The following SECISBP2L variants were observed in gnomAD, a reference collection of about 807,000 sequenced individuals.
SECISBP2L encodes the protein selenocysteine insertion sequence-binding protein 2-like.
Under a neutral mutation model 114.7 loss-of-function variants are expected in SECISBP2L, and 43 were observed. The observed-to-expected ratio is 0.38, with a 90% CI of 0.29 to 0.48. The LOEUF (loss-of-function observed/expected upper bound fraction) is 0.48. SECISBP2L is among the 20% of genes least tolerant of loss of function. SECISBP2L has a pLI of 0.98. For synonymous variants in SECISBP2L, 451 were observed against 439.7 expected (o/e 1.03, Z -0.32); for missense variants, 1,136 against 1,301.1 (o/e 0.87, Z 1.95).
intron 1 of SECISBP2L, among the ~76,000 whole-genome samples, chr15:49,042,796 G>A (rs1336106812): frequency 1.3e-5 from 2 of 152,142 alleles, no homozygotes; most frequent in African/African-American, 4.8e-5. Context: ...TTGGGAGGCC[G>A]ACGTGGGTGG....
intron 2 of SECISBP2L, among the ~76,000 whole-genome samples, chr15:49,036,841 T>C (rs1903018453): frequency 6.6e-6 from 1 of 152,240 alleles, no homozygotes; most frequent in Admixed American, 6.5e-5. Context: ...GGTGGAAATA[T>C]TGATTGACTC....
intron 6 of SECISBP2L, 70 bp from the exon 7 acceptor site, chr15:49,027,550 CACATACTGA>C: frequency 1.2e-6 from 1 of 844,624 alleles, no homozygotes; most frequent in South Asian, 2.1e-5. Context: ...GACCTGACTT[CACATACTGA>C]AATTCAGTCA....
chr15:49,037,851 A>C, intron 1 of SECISBP2L, 82 bp from the exon 2 acceptor site: 1 of 1,196,410 alleles, frequency 8.4e-7, no homozygotes, highest in African/African-American at 1.5e-5. Context: ...CAGAAGAGTC[A>C]GTCCTTATAA....
rs781594231 is a variant in SECISBP2L, at chr15:49,037,701, G to T, written c.93C>A (p.Ile31=). The T allele has an allele frequency of 1.9e-5, 30 of 1,613,502 alleles. No homozygotes were observed. The highest frequency in any genetic ancestry group is 2.5e-5 in the Non-Finnish European group (30 of 1,179,760). Residue 31 remains isoleucine, a synonymous_variant, in exon 2 of 18, where the codon ATC becomes ATA. Coordinates refer to ENST00000559471, the MANE Select transcript of SECISBP2L (RefSeq NM_001193489.2). ...CATTATCATTTGGGAGAGCCATAGGGATCATAAATGTATCAGGACTCTTCT... is the reference window on the plus strand; with the variant it reads ...CATTATCATTTGGGAGAGCCATAGGTATCATAAATGTATCAGGACTCTTCT... ...PQKKSPDTFM[I]PMALPNDNGS...
chr15:49,028,061 C>G, intron 6 of SECISBP2L, 83 bp downstream of exon 6: 1 of 1,253,464 alleles, frequency 8.0e-7, no homozygotes, highest in Non-Finnish European at 1.1e-6. Context: ...TTTGCAGTAT[C>G]AGCAAGCCTC....
At chr15:49,040,566 T>G (rs11070680) in intron 1 of SECISBP2L, among the ~76,000 whole-genome samples, 2 of 125,984 alleles carry the variant, frequency 1.6e-5, no homozygotes, top group Non-Finnish European at 3.3e-5. Flanking sequence ...GACGGAGTCT[T>G]GCTCTGTGGC....
At position 49,005,653 on chromosome 15, in the gene SECISBP2L, C is replaced by T. The variant is rs191546831; in HGVS notation, c.2027+3563G>A. Among the ~76,000 whole-genome samples the T allele has an allele frequency of 5.6e-5, 8 of 142,180 alleles. No individual in the cohort carries two copies. The East Asian group carries it at 6.8e-4, about 12-fold the overall frequency. 93.3% of individuals were successfully genotyped at this position (142,180 alleles called of 152,430 possible). On this transcript the variant is annotated intron_variant, in intron 14 of 17. Transcript: ENST00000559471. ...TTTTGAGCCTATGTGTGTCTTTGCA[C>T]GTGAGATGGGTCTCCTGAATACAGG...
chr15:49,012,944 C>A, intron 11 of SECISBP2L, 127 bp from the exon 12 acceptor site: 4 of 845,594 alleles, frequency 4.7e-6, no homozygotes, highest in Non-Finnish European at 7.3e-6. Flanking sequence ...ACAGTAGGAG[C>A]ACTATACATG....
rs779767836 is a variant in SECISBP2L, at chr15:49,032,953, C to T, written c.664+12G>A. 6.2e-7 allele frequency: 1 copy of T among 1,612,610 alleles called. No individual in the cohort carries two copies. Among genetic ancestry groups the T allele is most frequent in the South Asian group, 1.1e-5 (1 of 90,718 alleles). On this transcript the variant is annotated intron_variant, in intron 4 of 17. Coordinates refer to ENST00000559471, the MANE Select transcript of SECISBP2L (RefSeq NM_001193489.2). ...AAAATCAGTGACGCACATGTAAGAA[C>T]CCTTGCCTTACCAGTTTGCTGTGAA...
chr15:49,023,131 T>C (rs183016744), intron 7 of SECISBP2L, among the ~76,000 whole-genome samples: 3 of 151,994 alleles, frequency 2.0e-5, no homozygotes, highest in Admixed American at 6.5e-5. Context: ...ATGAGCAAAG[T>C]AAAAAATAAA....
chr15:49,030,277 C>A (rs1445373124), intron 4 of SECISBP2L, among the ~76,000 whole-genome samples: 1 of 152,144 alleles, frequency 6.6e-6, no homozygotes, highest in Non-Finnish European at 1.5e-5. Context: ...GACTTGTTAC[C>A]TGCTACTAGT....
chr15:49,028,077 T>G (rs1370079983), intron 6 of SECISBP2L, 67 bp downstream of exon 6: 2 of 1,420,984 alleles, frequency 1.4e-6, no homozygotes, highest in African/African-American at 1.4e-5. Flanking sequence ...GCCTCATGCT[T>G]AAAAGGAAAA....
At chr15:49,040,998 A>G (rs1410759154) in intron 1 of SECISBP2L, among the ~76,000 whole-genome samples, 2 of 152,126 alleles carry the variant, frequency 1.3e-5, no homozygotes, top group African/African-American at 2.4e-5. Context: ...TAGACTAGAT[A>G]CATTATAGAA....
chr15:49,042,894 G>A (rs1182818397), intron 1 of SECISBP2L, among the ~76,000 whole-genome samples: 1 of 152,140 alleles, frequency 6.6e-6, no homozygotes, highest in Non-Finnish European at 1.5e-5. Flanking sequence ...GCTGGGTGTG[G>A]TGGTGCACAC....
intron 17 of SECISBP2L, among the ~76,000 whole-genome samples, chr15:48,995,036 G>C (rs1430959872): frequency 3.3e-5 from 5 of 151,682 alleles, no homozygotes; most frequent in Non-Finnish European, 5.9e-5. Context: ...GCAGAGTATA[G>C]AAAAACCAAG....
At chr15:49,011,568 C>T (rs1902436573) in intron 13 of SECISBP2L, 163 bp downstream of exon 13, 8 of 781,848 alleles carry the variant, frequency 1.0e-5, no homozygotes, top group Admixed American at 2.9e-5. Context: ...AACCATCTCC[C>T]TACAAAAGCA....
At chr15:49,032,200 A>T (rs530780713) in intron 4 of SECISBP2L, among the ~76,000 whole-genome samples, 23 of 152,336 alleles carry the variant, frequency 1.5e-4, no homozygotes, top group African/African-American at 5.1e-4. Flanking sequence ...GTACAGAGAT[A>T]AAAAAGCTAA....
intron 11 of SECISBP2L, among the ~76,000 whole-genome samples, chr15:49,015,841 T>C (rs1902524734): frequency 6.6e-6 from 1 of 152,164 alleles, no homozygotes; most frequent in South Asian, 2.1e-4. Flanking sequence ...GAAAAAAATT[T>C]GGGTGAGTCA....
At position 48,992,895 on chromosome 15, in the gene SECISBP2L, T is replaced by C; in HGVS notation, c.2655A>G (p.Ser885=). The change falls in exon 18 of 18, where the codon TCA becomes TCG. Residue 885 remains serine, a synonymous_variant. Transcript: ENST00000559471. ...ETNWRNMVET[S]DGLEASENEK... Reference sequence around the variant, plus strand: ...CATTTTCTGATGCTTCCAGTCCATCTGAAGTTTCCACCATGTTTCTCCAAT... The same window carrying C: ...CATTTTCTGATGCTTCCAGTCCATCCGAAGTTTCCACCATGTTTCTCCAAT... 1.2e-6 allele frequency: 2 copies of C among 1,613,474 alleles called. No homozygotes were observed. The highest frequency in any genetic ancestry group is 1.3e-5 in the African/African-American group (1 of 75,032).
Sources: gnomAD v4.1 joint callset for allele counts (sites outside exome capture counted in the v4.1 genomes callset) on GRCh38, gnomAD v4.1.1 for gene constraint, MANE v1.5 for transcripts, NCBI Gene and HGNC (gene_info 2026-07-23, HGNC 2026-07-21) for gene names.